PCDH7: variants seen among roughly 807,000 people sequenced by gnomAD.
PCDH7 encodes the protein protocadherin-7.
In PCDH7, 17 loss-of-function variants were observed where a neutral mutation model predicts 58.9. The ratio of observed to expected loss-of-function variants is 0.29; its 90% CI spans 0.20 to 0.43. PCDH7 has a LOEUF of 0.43. Ranked by LOEUF, PCDH7 falls within the 20% of genes least tolerant of loss-of-function variation. The probability of loss-of-function intolerance (pLI) is 1.00; values close to 1 mark genes in which losing one functional copy is unlikely to be tolerated. For synonymous variants in PCDH7, 664 were observed against 616.4 expected (o/e 1.08, Z -1.14); for missense variants, 1,274 against 1,441.0 (o/e 0.88, Z 1.88).
chr4:30,993,698 A>G (rs996769461), intron 3 of PCDH7, among the ~76,000 whole-genome samples: 2 of 152,164 alleles, frequency 1.3e-5, no homozygotes, highest in East Asian at 1.9e-4. Flanking sequence ...TTTTTATAGG[A>G]AAAAATACTT....
chr4:31,123,866 C>G (rs1477244590), intron 3 of PCDH7, among the ~76,000 whole-genome samples: 3 of 152,058 alleles, frequency 2.0e-5, no homozygotes, highest in Non-Finnish European at 4.4e-5. Flanking sequence ...AGGACAAACT[C>G]CTCTCCAACC....
chr4:31,142,896 A>T, exon 4 of PCDH7: 2 of 1,286,736 alleles, frequency 1.6e-6, no homozygotes, highest in Non-Finnish European at 2.0e-6. Context: ...TGAAAAGGAG[A>T]ATAAGGGGCA....
Position 30,723,766 on chromosome 4 carries a change from A to T in PCDH7, c.2344A>T (p.Ser782Cys), listed in dbSNP as rs201345910. The change falls in exon 1 of 2, where the codon AGC (serine) becomes TGC (cysteine). Residue 782 changes from serine (S) to cysteine (C), a missense_variant. Physicochemically the swap from Ser to Cys is moderately radical, Grantham distance 112. Around this residue, in one of 3 missense-constraint regions of PCDH7, gnomAD observed 731 missense variants for 881.9 expected, o/e 0.83. Transcript: ENST00000361762. The surrounding 1 kb of genome is among the most constrained non-coding windows in gnomAD (Gnocchi z 4.6). Reference sequence around the variant, plus strand: ...TGGCATCAATGCAGACCTGAACTACAGCATTGTGGGAGGAAATCCCTTCAA... The same window carrying T: ...TGGCATCAATGCAGACCTGAACTACTGCATTGTGGGAGGAAATCCCTTCAA... 1.1e-5 allele frequency: 17 copies of T among 1,614,072 alleles called. No homozygotes were observed. Among genetic ancestry groups the T allele is most frequent in the Admixed American group, 5.0e-5 (3 of 60,012 alleles).
intron 3 of PCDH7, chr4:30,987,428 A>G (rs1262131471): frequency 6.6e-6 from 1 of 152,112 alleles, no homozygotes. Context: ...CATGAACCTC[A>G]TTTAATAGCT....
intron 3 of PCDH7, among the ~76,000 whole-genome samples, chr4:30,965,261 C>T (rs1055804640): frequency 2.0e-5 from 3 of 151,978 alleles, no homozygotes; most frequent in Admixed American, 6.6e-5. Context: ...TACATCCTGA[C>T]TCACAACTGG....
chr4:30,768,488 T>G (rs913570108), intron 1 of PCDH7, among the ~76,000 whole-genome samples: 1 of 152,208 alleles, frequency 6.6e-6, no homozygotes, highest in Admixed American at 6.5e-5. Context: ...AAAGGAGATA[T>G]GAACAGGAAG....
At chr4:30,922,823 C>T (rs962293737) in intron 2 of PCDH7, among the ~76,000 whole-genome samples, 4 of 152,046 alleles carry the variant, frequency 2.6e-5, no homozygotes, top group South Asian at 2.1e-4. Flanking sequence ...AAATGAGATG[C>T]GATGCACTGT....
At chr4:30,759,959 A>G (rs190739806) in intron 1 of PCDH7, among the ~76,000 whole-genome samples, 7 of 152,240 alleles carry the variant, frequency 4.6e-5, no homozygotes, top group African/African-American at 7.2e-5. Flanking sequence ...GAAACCCAGG[A>G]CAATCTTTTC....
chr4:30,768,718 C>T (rs1469006828), intron 1 of PCDH7, among the ~76,000 whole-genome samples: 1 of 152,138 alleles, frequency 6.6e-6, no homozygotes, highest in African/African-American at 2.4e-5. Context: ...TTATCCATGA[C>T]TCGGTTTTAA....
intron 1 of PCDH7, among the ~76,000 whole-genome samples, chr4:30,741,619 A>G (rs1307353402): frequency 1.3e-5 from 2 of 152,196 alleles, no homozygotes; most frequent in East Asian, 3.9e-4. Context: ...TAACCTCCTT[A>G]TCATTCTTTT....
chr4:30,983,499 A>G (rs73815128), intron 3 of PCDH7, among the ~76,000 whole-genome samples: 5,663 of 152,284 alleles, frequency 0.037, 326 homozygotes, highest in African/African-American at 0.13. Flanking sequence ...TAACTTACGG[A>G]ATTTCAAAGA....
At chr4:30,815,904 G>C (rs2109317431) in intron 1 of PCDH7, among the ~76,000 whole-genome samples, 1 of 152,242 alleles carries the variant, frequency 6.6e-6, no homozygotes, top group South Asian at 2.1e-4. Context: ...GGAGGGCCCT[G>C]TCCTGCCCTG....
At chr4:30,855,604 C>T (rs531252508) in intron 1 of PCDH7, among the ~76,000 whole-genome samples, 21 of 152,116 alleles carry the variant, frequency 1.4e-4, no homozygotes, top group Non-Finnish European at 2.5e-4. Flanking sequence ...CAAACAGGGT[C>T]GTATATCAAT....
At chr4:30,904,336 G>A (rs1740628464) in intron 1 of PCDH7, among the ~76,000 whole-genome samples, 1 of 151,968 alleles carries the variant, frequency 6.6e-6, no homozygotes, top group African/African-American at 2.4e-5. Flanking sequence ...ACAGCTCTTG[G>A]CATGCAGCCC....
chr4:31,086,932 C>A (rs1215646592), intron 3 of PCDH7, among the ~76,000 whole-genome samples: 1 of 152,138 alleles, frequency 6.6e-6, no homozygotes, highest in East Asian at 1.9e-4. Context: ...GCCAAGAATA[C>A]CATCTGTTGA....
chr4:30,816,829 A>T (rs1727739084), intron 1 of PCDH7, among the ~76,000 whole-genome samples: 1 of 152,156 alleles, frequency 6.6e-6, no homozygotes, highest in Non-Finnish European at 1.5e-5. Flanking sequence ...ATCAGAAAGA[A>T]TAGGGAAAAG....
At chr4:31,041,895 A>G (rs903305898) in intron 3 of PCDH7, among the ~76,000 whole-genome samples, 3 of 152,168 alleles carry the variant, frequency 2.0e-5, no homozygotes, top group African/African-American at 7.2e-5. Flanking sequence ...AGAATTTTAA[A>G]AAGTTTTCTG....
chr4:30,843,295 G>A lies in PCDH7; in HGVS notation c.71-76858G>A, dbSNP rs566712474. Among the ~76,000 whole-genome samples, 7 of 152,098 alleles carry A rather than the reference G, an allele frequency of 4.6e-5. No homozygotes were observed. The South Asian group carries it at 8.3e-4, about 18-fold the overall frequency. The stretch of plus-strand genomic sequence containing the variant: ...GGGCTCATTGTAATCTCCACCTCCC[G>A]GACTCAAGTGATTCTCCTGCCTCTG... On this transcript the variant is annotated intron_variant, in intron 1 of 3. Coordinates refer to the PCDH7 transcript ENST00000509759.
chr4:31,120,476 A>G (rs1267837492), intron 3 of PCDH7, among the ~76,000 whole-genome samples: 1 of 126,102 alleles, frequency 7.9e-6, no homozygotes, highest in African/African-American at 3.1e-5. Flanking sequence ...TGTATGTTAC[A>G]TCTCCTGTAT....
Sources: allele counts gnomAD v4.1 joint callset (sites outside exome capture counted in the v4.1 genomes callset), GRCh38; gene constraint gnomAD v4.1.1; regional missense constraint gnomAD v4.1.1; non-coding constraint Gnocchi (gnomAD v3.1); transcripts MANE v1.5; gene names NCBI Gene and HGNC (gene_info 2026-07-23, HGNC 2026-07-21).